ARSK: variants seen among roughly 807,000 people sequenced by gnomAD.
The protein encoded by ARSK is arylsulfatase K.
ARSK carries 37 observed loss-of-function variants against 53.2 expected under a neutral mutation model. The observed-to-expected ratio is 0.70, with a 90% CI of 0.54 to 0.92. The LOEUF (loss-of-function observed/expected upper bound fraction) is 0.92, where lower values mean the gene tolerates loss of function less well. Among genes scored for constraint, ARSK ranks in the 40% least tolerant of loss-of-function variants. The probability of loss-of-function intolerance (pLI) is 0.00; values close to 1 mark genes in which losing one functional copy is unlikely to be tolerated. For missense variants in ARSK, 613 were observed against 643.0 expected, an observed-to-expected ratio of 0.95 and a Z score of 0.51; for synonymous variants, 208 against 223.2, an observed-to-expected ratio of 0.93 and a Z score of 0.61.
intron 6 of ARSK, among the ~76,000 whole-genome samples, chr5:95,595,136 G>A (rs190968988): frequency 7.9e-5 from 12 of 152,208 alleles, no homozygotes; most frequent in Admixed American, 6.5e-4. Context: ...CAATGAGATA[G>A]CATCTCATAG....
At chr5:95,596,655 C>T (rs964563525) in intron 6 of ARSK, among the ~76,000 whole-genome samples, 53 of 152,178 alleles carry the variant, frequency 3.5e-4, no homozygotes, top group Admixed American at 2.9e-3. Flanking sequence ...TCCTCACTTC[C>T]ATTCTGTGGA....
At chr5:95,578,723 A>G in intron 3 of ARSK, among the ~76,000 whole-genome samples, 1 of 152,324 alleles carries the variant, frequency 6.6e-6, no homozygotes. Context: ...TTAGGCTCCT[A>G]CTTCATGTGG....
At chr5:95,557,401 A>C (rs1443551084) in intron 1 of ARSK, among the ~76,000 whole-genome samples, 2 of 152,214 alleles carry the variant, frequency 1.3e-5, no homozygotes, top group African/African-American at 4.8e-5. Flanking sequence ...TTTTATACTT[A>C]TATCTTTTTT....
intron 6 of ARSK, among the ~76,000 whole-genome samples, chr5:95,598,582 C>T (rs939039751): frequency 5.9e-5 from 9 of 152,158 alleles, no homozygotes; most frequent in African/African-American, 2.2e-4. Flanking sequence ...TGACCTTCTG[C>T]CCTTACCCAC....
intron 5 of ARSK, among the ~76,000 whole-genome samples, chr5:95,587,640 C>T (rs796962397): frequency 2.0e-4 from 30 of 152,242 alleles, no homozygotes; most frequent in African/African-American, 7.2e-4. Flanking sequence ...AATGTATAGG[C>T]TCATGCCTAT....
At chr5:95,564,364 G>T (rs995004347) in intron 1 of ARSK, among the ~76,000 whole-genome samples, 1 of 152,148 alleles carries the variant, frequency 6.6e-6, no homozygotes, top group South Asian at 2.1e-4. Context: ...ACTCTTGCTA[G>T]AAGTGGTAAT....
chr5:95,588,361 C>T (rs951955133), intron 5 of ARSK, among the ~76,000 whole-genome samples: 15 of 151,552 alleles, frequency 9.9e-5, no homozygotes, highest in Admixed American at 3.3e-4. Context: ...CTCAGCCTCC[C>T]GAGTAGCTGG....
In ARSK at chr5:95,604,681, C is replaced by A. The variant is rs1284480821; in HGVS notation, c.*1155C>A. 6.6e-6 allele frequency: 1 copy of A among 152,078 alleles called. No homozygotes were observed. Among genetic ancestry groups the A allele is most frequent in the Non-Finnish European group, 1.5e-5 (1 of 68,026 alleles). 9.4% of individuals were successfully genotyped at this position (152,078 alleles called of 1,614,324 possible). A position where few individuals can be genotyped will look rare whatever the true frequency, so the allele number is the denominator to read the frequency against. ...TAATCTCACCATCAATGCATGTCTT[C>A]TTATCCTTTGCCAACCTAACAGATA... On this transcript the variant is annotated 3_prime_UTR_variant, in exon 8 of 8. Transcript: ENST00000380009.
At chr5:95,587,683 G>A (rs369151803) in intron 5 of ARSK, among the ~76,000 whole-genome samples, 172 of 152,276 alleles carry the variant, frequency 1.1e-3, no homozygotes, top group Middle Eastern at 6.8e-3. Context: ...GAGGCAGGTG[G>A]ATCACCTGAG....
intron 6 of ARSK, 198 bp from the exon 7 acceptor site, chr5:95,600,649 G>C (rs1434583354): frequency 1.5e-6 from 1 of 689,432 alleles, no homozygotes; most frequent in South Asian, 1.5e-5. Context: ...GTTGAGATAA[G>C]TAAATTACTT....
intron 2 of ARSK, among the ~76,000 whole-genome samples, chr5:95,566,607 C>T (rs1488819806): frequency 6.6e-6 from 1 of 152,132 alleles, no homozygotes; most frequent in African/African-American, 2.4e-5. Context: ...TCTCAATTCA[C>T]TTTTATCCCA....
chr5:95,571,383 A>C (rs1179025864), intron 3 of ARSK, among the ~76,000 whole-genome samples: 1 of 152,218 alleles, frequency 6.6e-6, no homozygotes, highest in African/African-American at 2.4e-5. Context: ...GTGCCAGTAC[A>C]TTGTAGGTTC....
intron 3 of ARSK, among the ~76,000 whole-genome samples, chr5:95,571,610 A>C (rs993955834): frequency 8.5e-5 from 13 of 152,168 alleles, no homozygotes; most frequent in Admixed American, 3.9e-4. Flanking sequence ...GGAATTCTAA[A>C]ATTAGTAGAG....
At chr5:95,560,273 T>G (rs2112409923) in intron 1 of ARSK, among the ~76,000 whole-genome samples, 1 of 151,956 alleles carries the variant, frequency 6.6e-6, no homozygotes, top group South Asian at 2.1e-4. Context: ...GATCTACAGA[T>G]TCAATTCAAT....
chr5:95,588,561 G>A (rs901489412), intron 5 of ARSK, among the ~76,000 whole-genome samples: 28 of 152,078 alleles, frequency 1.8e-4, no homozygotes, highest in Admixed American at 1.6e-3. Context: ...TCACCAAATA[G>A]TATTTAATAC....
intron 3 of ARSK, among the ~76,000 whole-genome samples, chr5:95,573,448 A>T (rs1166603920): frequency 6.6e-6 from 1 of 152,188 alleles, no homozygotes; most frequent in Non-Finnish European, 1.5e-5. Context: ...AGTATCCACT[A>T]AGCTAATATT....
intron 3 of ARSK, among the ~76,000 whole-genome samples, chr5:95,577,245 G>A (rs1419451267): frequency 1.3e-5 from 2 of 152,190 alleles, no homozygotes; most frequent in Non-Finnish European, 2.9e-5. Flanking sequence ...TACAAAAATT[G>A]TAAATGTTAT....
intron 5 of ARSK, among the ~76,000 whole-genome samples, chr5:95,587,467 C>T (rs546727131): frequency 6.6e-6 from 1 of 152,056 alleles, no homozygotes; most frequent in African/African-American, 2.4e-5. Flanking sequence ...TAGGTAGCAC[C>T]TCTTCTGTAC....
intron 3 of ARSK, 32 bp from the exon 4 acceptor site, chr5:95,582,884 C>T: frequency 6.6e-7 from 1 of 1,526,130 alleles, no homozygotes; most frequent in African/African-American, 1.4e-5. Flanking sequence ...TTTAATATAC[C>T]TGACAATATA....
Sources: gnomAD v4.1 joint callset for allele counts (sites outside exome capture counted in the v4.1 genomes callset) on GRCh38, gnomAD v4.1.1 for gene constraint, MANE v1.5 for transcripts, NCBI Gene and HGNC (gene_info 2026-07-23, HGNC 2026-07-21) for gene names.